The following COL14A1 variants were observed in gnomAD, a reference collection of about 807,000 sequenced individuals.
COL14A1 encodes collagen alpha-1(XIV) chain.
COL14A1 carries 136 observed loss-of-function variants against 230.3 expected under a neutral mutation model. The ratio of observed to expected loss-of-function variants is 0.59; its 90% confidence interval spans 0.51 to 0.68. The LOEUF is 0.68. COL14A1 is among the 30% of genes least tolerant of loss of function. The probability of loss-of-function intolerance (pLI) is 0.00; values close to 1 mark genes in which losing one functional copy is unlikely to be tolerated. For missense variants in COL14A1, 1,976 were observed against 2,215.8 expected (o/e 0.89, Z 2.17); for synonymous variants, 792 against 784.1 (o/e 1.01, Z -0.17).
chr8:120,300,585 T>A (rs1820679631), intron 35 of COL14A1, 147 bp from the exon 36 acceptor site: 3 of 655,104 alleles, frequency 4.6e-6, no homozygotes, highest in African/African-American at 3.6e-5. Flanking sequence ...AGAAAAGATT[T>A]TGTAATCAGG....
At chr8:120,161,114 A>G (rs1815652928) in intron 3 of COL14A1, among the ~76,000 whole-genome samples, 2 of 152,194 alleles carry the variant, frequency 1.3e-5, no homozygotes, top group Admixed American at 6.5e-5. Flanking sequence ...AAACGCACAT[A>G]AGGAAATGGG....
intron 42 of COL14A1, among the ~76,000 whole-genome samples, chr8:120,334,453 C>A (rs1260518385): frequency 1.3e-5 from 2 of 152,078 alleles, no homozygotes; most frequent in Non-Finnish European, 2.9e-5. Flanking sequence ...AGAAGAAAAT[C>A]TGATTGCTTT....
chr8:120,159,760 C>T (rs573853286), intron 3 of COL14A1, among the ~76,000 whole-genome samples: 5 of 152,248 alleles, frequency 3.3e-5, no homozygotes, highest in African/African-American at 7.2e-5. Context: ...GGTGCAATCT[C>T]GGCTCACTGC....
chr8:120,176,675 G>A (rs34705613), intron 5 of COL14A1, among the ~76,000 whole-genome samples: 1,582 of 152,176 alleles, frequency 0.01, 34 homozygotes, highest in African/African-American at 0.037. Flanking sequence ...GCTGGCAAGA[G>A]CCTGACTCCA....
intron 5 of COL14A1, among the ~76,000 whole-genome samples, chr8:120,195,293 G>T (rs1386537396): frequency 6.6e-6 from 1 of 151,818 alleles, no homozygotes; most frequent in Non-Finnish European, 1.5e-5. Context: ...GAATACTTCT[G>T]TATTTTGGTT....
intron 23 of COL14A1, among the ~76,000 whole-genome samples, chr8:120,258,188 T>A (rs1207254942): frequency 6.6e-6 from 1 of 152,142 alleles, no homozygotes; most frequent in Non-Finnish European, 1.5e-5. Flanking sequence ...TGGACCTAGG[T>A]GTTCAATTTC....
At chr8:120,166,922 G>GTGTGTGT (rs1217998586) in intron 4 of COL14A1, among the ~76,000 whole-genome samples, 87 of 134,458 alleles carry the variant, frequency 6.5e-4, no homozygotes, top group African/African-American at 1.0e-3. Flanking sequence ...GTGTGTGTGT[G>GTGTGTGT]GTGGTGATGA....
At chr8:120,293,758 C>T (rs1467676989) in intron 34 of COL14A1, among the ~76,000 whole-genome samples, 1 of 151,770 alleles carries the variant, frequency 6.6e-6, no homozygotes, top group African/African-American at 2.4e-5. Flanking sequence ...TTGACAGGTT[C>T]AAAGATTTAC....
At chr8:120,314,709 A>G (rs1821154083) in intron 38 of COL14A1, among the ~76,000 whole-genome samples, 1 of 152,204 alleles carries the variant, frequency 6.6e-6, no homozygotes, top group South Asian at 2.1e-4. Flanking sequence ...CCTAGCTGAG[A>G]AGTTTCTCCT....
chr8:120,167,046 T>G (rs547557320), intron 4 of COL14A1, among the ~76,000 whole-genome samples: 2 of 152,200 alleles, frequency 1.3e-5, no homozygotes, highest in African/African-American at 4.8e-5. Flanking sequence ...ATCTTACATT[T>G]TTATTTTTAA....
chr8:120,264,260 G>A (rs969429697), intron 24 of COL14A1, among the ~76,000 whole-genome samples: 12 of 152,082 alleles, frequency 7.9e-5, no homozygotes, highest in Admixed American at 7.2e-4. Context: ...ATGTTTTTGT[G>A]GTTTATCCAT....
At chr8:120,236,938 T>C (rs2198752) in intron 19 of COL14A1, among the ~76,000 whole-genome samples, 75,229 of 152,062 alleles carry the variant, frequency 0.49, 19,405 homozygotes, top group African/African-American at 0.63. Context: ...GAATGTTGAA[T>C]GTTGGCCCCC....
chr8:120,323,810 G>C (rs1289795426), intron 40 of COL14A1, among the ~76,000 whole-genome samples: 1 of 152,042 alleles, frequency 6.6e-6, no homozygotes, highest in Non-Finnish European at 1.5e-5. Context: ...TGTTCTTTTG[G>C]TTATCGTACC....
At chr8:120,262,091 T>C (rs1166468432) in intron 23 of COL14A1, among the ~76,000 whole-genome samples, 1 of 152,064 alleles carries the variant, frequency 6.6e-6, no homozygotes, top group Non-Finnish European at 1.5e-5. Flanking sequence ...GGTAATAAGT[T>C]ATATGAGGCC....
At chr8:120,354,337 C>A (rs1328674422) in intron 45 of COL14A1, among the ~76,000 whole-genome samples, 1 of 123,934 alleles carries the variant, frequency 8.1e-6, no homozygotes, top group South Asian at 2.9e-4. Context: ...CACATGTATA[C>A]ATATGTAACT....
intron 24 of COL14A1, among the ~76,000 whole-genome samples, chr8:120,266,508 G>A (rs1033980782): frequency 1.3e-5 from 2 of 152,042 alleles, no homozygotes; most frequent in Admixed American, 6.6e-5. Context: ...AACAGGAGAC[G>A]AACTTTCAAA....
At chr8:120,261,800 A>G (rs1399982147) in intron 23 of COL14A1, among the ~76,000 whole-genome samples, 1 of 152,196 alleles carries the variant, frequency 6.6e-6, no homozygotes, top group African/African-American at 2.4e-5. Context: ...CTTTTCCTCA[A>G]TTAAAGGATT....
At chr8:120,189,103 A>G (rs1173925681) in intron 5 of COL14A1, among the ~76,000 whole-genome samples, 1 of 152,242 alleles carries the variant, frequency 6.6e-6, no homozygotes, top group African/African-American at 2.4e-5. Context: ...TCACTGTAAC[A>G]GCTGGAATTA....
At chr8:120,342,203 G>T (rs111795656) in intron 43 of COL14A1, among the ~76,000 whole-genome samples, 177 bp from the exon 44 acceptor site, 1 of 152,292 alleles carries the variant, frequency 6.6e-6, no homozygotes, top group African/African-American at 2.4e-5. Context: ...CTTGAACCAT[G>T]AATATCAAAT....
Sources: allele counts gnomAD v4.1 joint callset (sites outside exome capture counted in the v4.1 genomes callset), GRCh38; gene constraint gnomAD v4.1.1; transcripts MANE v1.5; gene names NCBI Gene and HGNC (gene_info 2026-07-23, HGNC 2026-07-21).